KLHL29: variants seen among roughly 807,000 people sequenced by gnomAD.
KLHL29 encodes kelch like family member 29.
In KLHL29, 21 loss-of-function variants were observed where a neutral mutation model predicts 80.4. The observed-to-expected ratio is 0.26, with a 90% confidence interval of 0.19 to 0.38. The LOEUF (loss-of-function observed/expected upper bound fraction) is 0.38, where lower values mean the gene tolerates loss of function less well. Among genes scored for constraint, KLHL29 ranks in the 10% least tolerant of loss-of-function variants. The probability of loss-of-function intolerance (pLI) is 1.00; values close to 1 mark genes in which losing one functional copy is unlikely to be tolerated. For missense variants in KLHL29, 867 were observed against 1,223.9 expected, an observed-to-expected ratio of 0.71 and a Z score of 4.35; for synonymous variants, 511 against 526.8, an observed-to-expected ratio of 0.97 and a Z score of 0.41.
At chr2:23,599,838 C>G (rs1369066488) in intron 3 of KLHL29, among the ~76,000 whole-genome samples, 1 of 152,224 alleles carries the variant, frequency 6.6e-6, no homozygotes, top group Non-Finnish European at 1.5e-5. Context: ...CACGTCCCTC[C>G]TCCCGTGCCT....
intron 3 of KLHL29, among the ~76,000 whole-genome samples, chr2:23,627,413 C>A (rs1045587970): frequency 6.6e-6 from 1 of 152,204 alleles, no homozygotes; most frequent in African/African-American, 2.4e-5. Flanking sequence ...ACGCTGAGGC[C>A]CTCGCTGAGC....
Position 23,505,608 on chromosome 2 carries a change from C to T in KLHL29, c.-46+29941C>T, listed in dbSNP as rs7602463. ...CCAACAGCCTCTCAAAGCCCCCACCCAGGTCCCTTGCCAGGGCTTCCTTGT... is the reference window on the plus strand; with the variant it reads ...CCAACAGCCTCTCAAAGCCCCCACCTAGGTCCCTTGCCAGGGCTTCCTTGT... On this transcript the variant is annotated intron_variant, in intron 2 of 13. Coordinates refer to ENST00000486442, the MANE Select transcript of KLHL29 (RefSeq NM_052920.2). 9.6e-3 allele frequency among the ~76,000 whole-genome samples: 1,459 copies of T among 152,344 alleles called. 21 individuals carry two copies. The highest frequency in any genetic ancestry group is 0.033 in the African/African-American group (1,388 of 41,580).
At chr2:23,476,815 C>T (rs537518898) in intron 2 of KLHL29, among the ~76,000 whole-genome samples, 92 of 152,306 alleles carry the variant, frequency 6.0e-4, no homozygotes, top group Non-Finnish European at 1.2e-3. Flanking sequence ...CCAGAAATGC[C>T]GGGGAACCTG....
rs753136606 is a variant in KLHL29, at chr2:23,562,112, C to T, written c.-45-40C>T. ...ATGCTGTCAGTTGTCGCTGCCTGCT[C>T]CAGTCCTAAATCACCCTTCTCTCCA... is the stretch of plus-strand genomic sequence containing the variant. On this transcript the variant is annotated intron_variant, in intron 2 of 13. Transcript: ENST00000486442. This position sits in a 1 kb window ranked among gnomAD's most constrained non-coding sequence, Gnocchi z 4.5. 4.7e-6 allele frequency: 7 copies of T among 1,494,346 alleles called. No homozygotes were observed. The South Asian group carries it at 8.5e-5, about 18-fold the overall frequency. The allele number at this position is 1,494,346 out of a possible 1,614,324, so 92.6% of individuals were successfully genotyped here.
chr2:23,474,869 C>A lies in KLHL29; in HGVS notation c.-153-691C>A, dbSNP rs114938120. Among the ~76,000 whole-genome samples, 1,046 of 152,152 alleles carry A rather than the reference C, an allele frequency of 6.9e-3. 12 individuals carry two copies. Among genetic ancestry groups the A allele is most frequent in the African/African-American group, 0.023 (948 of 41,512 alleles). On this transcript the variant is annotated intron_variant, in intron 1 of 13. Transcript: ENST00000486442. ...ATATTGATTCCCAGGTAATGACAGTCGTGCGTTTTGCAGTGGGGGATGCCA... is the reference window on the plus strand; with the variant it reads ...ATATTGATTCCCAGGTAATGACAGTAGTGCGTTTTGCAGTGGGGGATGCCA...
At chr2:23,398,114 C>T (rs1666497549) in intron 1 of KLHL29, among the ~76,000 whole-genome samples, 1 of 152,156 alleles carries the variant, frequency 6.6e-6, no homozygotes, top group Non-Finnish European at 1.5e-5. Context: ...TGAGCCTATA[C>T]CCAAAAAAAG....
chr2:23,588,801 G>C (rs926942732), intron 3 of KLHL29, among the ~76,000 whole-genome samples: 1 of 152,100 alleles, frequency 6.6e-6, no homozygotes, highest in Non-Finnish European at 1.5e-5. Context: ...AAATTGTGCC[G>C]GGCCTGGCTT....
intron 2 of KLHL29, among the ~76,000 whole-genome samples, chr2:23,479,588 C>G (rs1012508863): frequency 2.0e-5 from 3 of 152,184 alleles, no homozygotes; most frequent in Non-Finnish European, 4.4e-5. Flanking sequence ...CCAGACTTGA[C>G]TCCCAGATGG....
intron 1 of KLHL29, among the ~76,000 whole-genome samples, chr2:23,436,742 T>C (rs1415806837): frequency 2.0e-5 from 3 of 152,178 alleles, no homozygotes; most frequent in African/African-American, 7.2e-5. Flanking sequence ...ATGAGAATGA[T>C]TTTTGCTATT....
At chr2:23,620,445 G>A (rs1194983042) in intron 3 of KLHL29, among the ~76,000 whole-genome samples, 1 of 152,162 alleles carries the variant, frequency 6.6e-6, no homozygotes, top group Non-Finnish European at 1.5e-5. Flanking sequence ...GGCCAGGGCT[G>A]CTAGAGGAAA....
At chr2:23,677,546 A>T (rs1261553061) in intron 5 of KLHL29, among the ~76,000 whole-genome samples, 1 of 152,204 alleles carries the variant, frequency 6.6e-6, no homozygotes, top group Non-Finnish European at 1.5e-5. Flanking sequence ...AGGTGGTTTC[A>T]TTCTGTCTCA....
chr2:23,662,633 C>T (rs992580502), intron 5 of KLHL29, among the ~76,000 whole-genome samples: 10 of 152,164 alleles, frequency 6.6e-5, no homozygotes, highest in Admixed American at 2.6e-4. Context: ...GAGCCCTGCC[C>T]GGCCCCCACT....
At chr2:23,532,756 A>C (rs1666536230) in intron 2 of KLHL29, 1 of 425,916 alleles carries the variant, frequency 2.3e-6, no homozygotes, top group South Asian at 1.7e-5. Context: ...CACCCTCTGC[A>C]CGGGGAGAAG....
intron 2 of KLHL29, among the ~76,000 whole-genome samples, chr2:23,526,474 C>A (rs2103474368): frequency 6.6e-6 from 1 of 152,270 alleles, no homozygotes; most frequent in Admixed American, 6.5e-5. Flanking sequence ...CTGGAGAGAG[C>A]CTGAGACGCC....
At chr2:23,567,090 G>C (rs1396572730) in intron 3 of KLHL29, among the ~76,000 whole-genome samples, 1 of 152,208 alleles carries the variant, frequency 6.6e-6, no homozygotes, top group Admixed American at 6.5e-5. Flanking sequence ...GTGCTCCTGA[G>C]AAGCAGAACT....
chr2:23,632,092 AAC>A lies in KLHL29; in HGVS notation c.286-7045_286-7044del, dbSNP rs374488238. On this transcript the variant is annotated intron_variant, in intron 3 of 13. Transcript: ENST00000486442. ...GGGGTCCAGAAACTTCCATTCCTCT[AAC>A]AAGTCTTCCAGATGCTGCTTTTGTG... Among the ~76,000 whole-genome samples the A allele has an allele frequency of 4.6e-5, 7 of 152,320 alleles. No individual in the cohort carries two copies. The East Asian group carries it at 1.4e-3, about 29-fold the overall frequency.
chr2:23,551,818 T>G (rs146964976), intron 2 of KLHL29, among the ~76,000 whole-genome samples: 17 of 152,276 alleles, frequency 1.1e-4, no homozygotes, highest in African/African-American at 3.9e-4. Context: ...GACTCAGTAG[T>G]CCCAGGGCAA....
chr2:23,496,087 T>G (rs1369545229), intron 2 of KLHL29, among the ~76,000 whole-genome samples: 1 of 152,180 alleles, frequency 6.6e-6, no homozygotes, highest in Non-Finnish European at 1.5e-5. Flanking sequence ...TCCTTCACAG[T>G]GCCCGGACGG....
At chr2:23,525,223 G>C (rs993630312) in intron 2 of KLHL29, among the ~76,000 whole-genome samples, 5 of 152,228 alleles carry the variant, frequency 3.3e-5, no homozygotes, top group African/African-American at 1.2e-4. Flanking sequence ...TACAGGCTAA[G>C]GCCAGGCCCA....
Sources: allele counts gnomAD v4.1 joint callset (sites outside exome capture counted in the v4.1 genomes callset), GRCh38; gene constraint gnomAD v4.1.1; non-coding constraint Gnocchi (gnomAD v3.1); transcripts MANE v1.5; gene names NCBI Gene and HGNC (gene_info 2026-07-23, HGNC 2026-07-21).